The following RTTN variants were observed in gnomAD, a reference collection of about 807,000 sequenced individuals.
RTTN encodes rotatin.
RTTN carries 182 observed loss-of-function variants against 269.2 expected under a neutral mutation model. The ratio of observed to expected loss-of-function variants is 0.68; its 90% CI spans 0.60 to 0.76. RTTN has a LOEUF of 0.76. Among genes scored for constraint, RTTN ranks in the 30% least tolerant of loss-of-function variants. RTTN has a pLI of 0.00. For synonymous variants in RTTN, 1,006 were observed against 963.5 expected (o/e 1.04, Z -0.82); for missense variants, 2,545 against 2,608.6 (o/e 0.98, Z 0.53).
rs113536228 is a variant in RTTN, at chr18:70,142,333, C to T, written c.2536G>A (p.Val846Ile). 241 of 1,609,074 alleles carry T rather than the reference C, an allele frequency of 1.5e-4. 1 individual carries two copies. In the African/African-American group the frequency reaches 2.4e-3, roughly 16 times the overall value. The change falls in exon 19 of 49, where the codon GTT becomes ATT. Residue 846 changes from valine to isoleucine, a missense_variant. By Grantham distance (29) the Val-to-Ile change is conservative. Coordinates refer to ENST00000640769, the MANE Select transcript of RTTN (RefSeq NM_173630.4). ...EIFTSDDVDL[V>I]LRKSAAEQLA... is the part of the protein sequence containing the mutation. ...TGTTCAGCAGCTGACTTTCTCAAAA[C>T]GAGATCAACATCATCTGAGGTGAAG...
chr18:70,058,467 G>A (rs2057882425), intron 36 of RTTN, among the ~76,000 whole-genome samples: 1 of 152,148 alleles, frequency 6.6e-6, no homozygotes, highest in Non-Finnish European at 1.5e-5. Context: ...GCAGTGAGCC[G>A]AGATCGCGCC....
chr18:70,087,101 C>T (rs2058722666), intron 31 of RTTN, among the ~76,000 whole-genome samples: 1 of 151,874 alleles, frequency 6.6e-6, no homozygotes, highest in African/African-American at 2.4e-5. Context: ...CCCGCTTTCT[C>T]CCTTCTCTTA....
chr18:70,055,730 T>C (rs2057799929), intron 37 of RTTN, among the ~76,000 whole-genome samples: 1 of 152,184 alleles, frequency 6.6e-6, no homozygotes, highest in Non-Finnish European at 1.5e-5. Context: ...AAACGCTGAA[T>C]TGCTAAAGAT....
chr18:70,169,389 T>A (rs527389399), intron 11 of RTTN, among the ~76,000 whole-genome samples: 2 of 152,310 alleles, frequency 1.3e-5, no homozygotes, highest in East Asian at 3.9e-4. Flanking sequence ...GCTATTGAAC[T>A]AAGGCATGAG....
At chr18:70,026,357 C>T (rs1315867196) in intron 43 of RTTN, among the ~76,000 whole-genome samples, 1 of 152,078 alleles carries the variant, frequency 6.6e-6, no homozygotes, top group East Asian at 1.9e-4. Context: ...ATCTTGGGGG[C>T]GGATTCCTCA....
intron 12 of RTTN, among the ~76,000 whole-genome samples, chr18:70,168,596 T>C (rs1001649039): frequency 1.3e-5 from 2 of 152,186 alleles, no homozygotes; most frequent in Non-Finnish European, 2.9e-5. Flanking sequence ...TATTAAGACA[T>C]TTGTAATAAC....
Position 70,150,058 on chromosome 18 carries a change from T to A in RTTN, c.2085A>T (p.Leu695Phe), listed in dbSNP as rs772317383. The change falls in exon 16 of 49, where the codon TTA becomes TTT. Residue 695 changes from leucine (L) to phenylalanine (F), a missense_variant. Leu to Phe is a conservative substitution (Grantham distance 22). Coordinates refer to ENST00000640769, the MANE Select transcript of RTTN (RefSeq NM_173630.4). ...TCATCAATCGTCCCTGAAGCAGGTA[T>A]AACAGAATGGCCTTGGCAGCAGTGT... ...EVNTAAKAIL[L>F]YLLQGRLMMT... The A allele has an allele frequency of 6.2e-7, 1 of 1,613,318 alleles. No homozygotes were observed. The highest frequency in any genetic ancestry group is 8.5e-7 in the Non-Finnish European group (1 of 1,179,428).
chr18:70,017,795 T>G, intron 45 of RTTN, 121 bp from the exon 46 acceptor site: 2 of 748,540 alleles, frequency 2.7e-6, no homozygotes, highest in Non-Finnish European at 4.2e-6. Context: ...TTCTCCTTTC[T>G]AATAGCTTCT....
chr18:70,133,848 G>A (rs1422174121), intron 23 of RTTN, among the ~76,000 whole-genome samples: 1 of 151,980 alleles, frequency 6.6e-6, no homozygotes, highest in Non-Finnish European at 1.5e-5. Context: ...CTTTATGTAC[G>A]ATATATGTCA....
At chr18:70,039,970 A>G (rs889780639) in intron 40 of RTTN, among the ~76,000 whole-genome samples, 8 of 152,254 alleles carry the variant, frequency 5.3e-5, no homozygotes, top group Non-Finnish European at 1.2e-4. Flanking sequence ...CAAAAAGGAT[A>G]CAAATGGAGA....
chr18:70,199,834 A>C (rs1323497206), intron 4 of RTTN, among the ~76,000 whole-genome samples: 1 of 152,250 alleles, frequency 6.6e-6, no homozygotes, highest in Non-Finnish European at 1.5e-5. Context: ...ATCAAACTTA[A>C]ATTCAACATA....
intron 40 of RTTN, among the ~76,000 whole-genome samples, chr18:70,035,371 C>T (rs149822306): frequency 1.5e-3 from 221 of 152,190 alleles, no homozygotes; most frequent in Middle Eastern, 0.01. Flanking sequence ...ACACATAGAC[C>T]GATGGAACAG....
chr18:70,013,615 A>C (rs1188248931), intron 46 of RTTN, among the ~76,000 whole-genome samples: 2 of 152,234 alleles, frequency 1.3e-5, no homozygotes. Context: ...TAAAATGTAA[A>C]TAATGAGACA....
chr18:70,092,895 T>C, intron 28 of RTTN, 91 bp from the exon 29 acceptor site: 1 of 1,122,844 alleles, frequency 8.9e-7, no homozygotes, highest in African/African-American at 1.6e-5. Flanking sequence ...TTGTATGAAT[T>C]GAATCCTTAC....
At chr18:70,124,906 T>G (rs932297408) in intron 25 of RTTN, among the ~76,000 whole-genome samples, 1 of 151,726 alleles carries the variant, frequency 6.6e-6, no homozygotes, top group Admixed American at 6.6e-5. Flanking sequence ...AGGAAAGGAG[T>G]AGAGAGGCAT....
chr18:70,105,769 A>T (rs2059305199), intron 28 of RTTN, among the ~76,000 whole-genome samples: 1 of 152,104 alleles, frequency 6.6e-6, no homozygotes, highest in African/African-American at 2.4e-5. Flanking sequence ...GACCAGATAA[A>T]ATATATATAT....
intron 28 of RTTN, among the ~76,000 whole-genome samples, chr18:70,103,778 A>AG (rs2059244097): frequency 6.7e-6 from 1 of 149,470 alleles, no homozygotes. Flanking sequence ...AAAAAAAAAA[A>AG]GCAAATCATA....
intron 9 of RTTN, among the ~76,000 whole-genome samples, chr18:70,190,270 A>G (rs2146090386): frequency 6.6e-6 from 1 of 152,170 alleles, no homozygotes; most frequent in Non-Finnish European, 1.5e-5. Flanking sequence ...CAAAAAATAG[A>G]TAAAAATTCT....
intron 30 of RTTN, among the ~76,000 whole-genome samples, chr18:70,090,007 G>T (rs540714171): frequency 6.6e-6 from 1 of 152,302 alleles, no homozygotes; most frequent in South Asian, 2.1e-4. Flanking sequence ...TGGAGGGTGT[G>T]GCTGAATACC....
Sources: gnomAD v4.1 joint callset for allele counts (sites outside exome capture counted in the v4.1 genomes callset) on GRCh38, gnomAD v4.1.1 for gene constraint, MANE v1.5 for transcripts, NCBI Gene and HGNC (gene_info 2026-07-23, HGNC 2026-07-21) for gene names.